Variants in MYO1D observed in about 807,000 individuals in gnomAD.
The protein encoded by MYO1D is myosin ID, also known as unconventional myosin-Id.
MYO1D carries 83 observed loss-of-function variants against 122.0 expected under a neutral mutation model. The ratio of observed to expected loss-of-function variants is 0.68; its 90% CI spans 0.57 to 0.82. The LOEUF (loss-of-function observed/expected upper bound fraction) is 0.82, where lower values mean the gene tolerates loss of function less well. Among genes scored for constraint, MYO1D ranks in the 40% least tolerant of loss-of-function variants. MYO1D has a pLI of 0.00. For synonymous variants in MYO1D, 464 were observed against 446.9 expected, an observed-to-expected ratio of 1.04 and a Z score of -0.48; for missense variants, 1,157 against 1,269.5, an observed-to-expected ratio of 0.91 and a Z score of 1.35.
chr17:32,542,596 C>A (rs1364732189), intron 21 of MYO1D, among the ~76,000 whole-genome samples: 2 of 148,938 alleles, frequency 1.3e-5, no homozygotes, highest in East Asian at 1.9e-4. Context: ...ATTTGCAAAC[C>A]CTGTAGGAGG....
intron 1 of MYO1D, among the ~76,000 whole-genome samples, chr17:32,819,297 A>G (rs1439132168): frequency 6.6e-6 from 1 of 151,676 alleles, no homozygotes. Flanking sequence ...CTGTGAGGAG[A>G]TAAACAGAGA....
intron 19 of MYO1D, among the ~76,000 whole-genome samples, chr17:32,649,944 A>C (rs965242065): frequency 6.6e-6 from 1 of 152,158 alleles, no homozygotes; most frequent in East Asian, 1.9e-4. Context: ...GTTATTATGA[A>C]TTATGCTGCC....
chr17:32,615,791 A>G (rs1478362083), intron 20 of MYO1D, among the ~76,000 whole-genome samples: 1 of 152,214 alleles, frequency 6.6e-6, no homozygotes, highest in African/African-American at 2.4e-5. Context: ...CCGATAAACA[A>G]CAGGGCTCCT....
chr17:32,846,998 C>T (rs1361819886), intron 1 of MYO1D, among the ~76,000 whole-genome samples: 1 of 151,962 alleles, frequency 6.6e-6, no homozygotes, highest in Non-Finnish European at 1.5e-5. Flanking sequence ...AACAAACAAA[C>T]AAATAAGTAA....
intron 1 of MYO1D, among the ~76,000 whole-genome samples, chr17:32,804,251 A>G (rs1373937918): frequency 6.6e-6 from 1 of 152,196 alleles, no homozygotes; most frequent in Non-Finnish European, 1.5e-5. Context: ...GATGACCCAA[A>G]AAAGTCTGTA....
intron 21 of MYO1D, among the ~76,000 whole-genome samples, chr17:32,517,870 G>C (rs765437301): frequency 2.0e-5 from 3 of 152,232 alleles, no homozygotes; most frequent in Non-Finnish European, 4.4e-5. Context: ...GCCTGTGAAG[G>C]AGCGGCTGAG....
At position 32,795,290 on chromosome 17, in the gene MYO1D, G is replaced by C. The variant is rs1004143822; in HGVS notation, c.96-14506C>G. Among the ~76,000 whole-genome samples, 3 of 152,164 alleles carry C rather than the reference G, an allele frequency of 2.0e-5. 1 individual carries two copies. The South Asian group carries it at 6.2e-4, about 32-fold the overall frequency. On this transcript the variant is annotated intron_variant, in intron 1 of 21. Transcript: ENST00000318217. ...AAACACAGATCATCAGCAGTGGAGA[G>C]AGCAAGCAGATAACCACACCATCAC...
chr17:32,569,790 T>C (rs1199959646), intron 21 of MYO1D, among the ~76,000 whole-genome samples: 1 of 152,184 alleles, frequency 6.6e-6, no homozygotes, highest in Non-Finnish European at 1.5e-5. Context: ...TGCTGATCTT[T>C]AGCACGTATA....
chr17:32,576,407 ATC>A (rs1157104970), intron 21 of MYO1D, among the ~76,000 whole-genome samples: 1 of 152,164 alleles, frequency 6.6e-6, no homozygotes. Context: ...TCTAACTGTA[ATC>A]TCTTATAAAA....
intron 21 of MYO1D, among the ~76,000 whole-genome samples, chr17:32,536,164 G>A (rs1158934316): frequency 6.6e-6 from 1 of 152,082 alleles, no homozygotes; most frequent in Non-Finnish European, 1.5e-5. Context: ...TCCCGGAGTA[G>A]CTGGGATTTA....
intron 16 of MYO1D, among the ~76,000 whole-genome samples, chr17:32,710,305 T>C (rs796376118): frequency 3.9e-5 from 6 of 152,240 alleles, no homozygotes; most frequent in African/African-American, 1.4e-4. Context: ...TACAGGAACT[T>C]AATATATAAT....
chr17:32,565,256 G>C (rs143987203), intron 21 of MYO1D, among the ~76,000 whole-genome samples: 2 of 151,896 alleles, frequency 1.3e-5, no homozygotes, highest in African/African-American at 4.8e-5. Context: ...CTCCTGCCTC[G>C]GCCTCCCAAA....
chr17:32,675,020 AT>A (rs1206596325), intron 16 of MYO1D, among the ~76,000 whole-genome samples: 4 of 152,234 alleles, frequency 2.6e-5, no homozygotes, highest in Non-Finnish European at 5.9e-5. Context: ...GACAATGTAT[AT>A]TTATTAAGGA....
chr17:32,780,623 T>C lies in MYO1D; in HGVS notation c.257A>G (p.Tyr86Cys). 1 of 1,614,156 alleles carries C rather than the reference T, an allele frequency of 6.2e-7. No homozygotes were observed. The highest frequency in any genetic ancestry group is 8.5e-7 in the Non-Finnish European group (1 of 1,180,028). ...TTTTGATCGCCTCTTCATAGCCTTG[T>C]AAGCAGCATCCGCAATAGCAAAAAG... ...PHLFAIADAAYKAMKRRSKDT... is the reference protein window; with the variant it reads ...PHLFAIADAACKAMKRRSKDT... The change falls in exon 2 of 22, where the codon TAC becomes TGC. Residue 86 changes from tyrosine (Y) to cysteine (C), a missense_variant. Physicochemically the swap from Tyr to Cys is radical, Grantham distance 194. Coordinates refer to ENST00000318217, the MANE Select transcript of MYO1D (RefSeq NM_015194.3).
chr17:32,840,059 C>T (rs981528928), intron 1 of MYO1D, among the ~76,000 whole-genome samples: 12 of 152,122 alleles, frequency 7.9e-5, no homozygotes, highest in Admixed American at 6.5e-4. Context: ...AGCATAATTC[C>T]TTCATTCAGG....
At chr17:32,864,830 T>C (rs2091110417) in intron 1 of MYO1D, among the ~76,000 whole-genome samples, 2 of 152,208 alleles carry the variant, frequency 1.3e-5, no homozygotes, top group Admixed American at 6.5e-5. Flanking sequence ...ATTTTCTCCT[T>C]AATGCCTGGA....
intron 1 of MYO1D, among the ~76,000 whole-genome samples, chr17:32,861,210 C>T (rs2151087550): frequency 6.6e-6 from 1 of 151,556 alleles, no homozygotes; most frequent in African/African-American, 2.4e-5. Context: ...GGACTACAGG[C>T]ACCCACCACC....
chr17:32,671,872 C>A (rs941716466), intron 16 of MYO1D, among the ~76,000 whole-genome samples: 14 of 152,154 alleles, frequency 9.2e-5, no homozygotes, highest in South Asian at 4.2e-4. Context: ...TAATATGGAT[C>A]CCGTCTTTAT....
At chr17:32,766,263 T>C (rs188864341) in intron 7 of MYO1D, among the ~76,000 whole-genome samples, 1 of 152,272 alleles carries the variant, frequency 6.6e-6, no homozygotes, top group East Asian at 1.9e-4. Flanking sequence ...CAATAAGCAA[T>C]ACATACTTAT....
Sources: gnomAD v4.1 joint callset for allele counts (sites outside exome capture counted in the v4.1 genomes callset) on GRCh38, gnomAD v4.1.1 for gene constraint, MANE v1.5 for transcripts, NCBI Gene and HGNC (gene_info 2026-07-23, HGNC 2026-07-21) for gene names.